NR2C1: variants seen among roughly 807,000 people sequenced by gnomAD.
The protein encoded by NR2C1 is TR2 nuclear hormone receptor.
A neutral mutation model predicts 74.8 loss-of-function variants in NR2C1; 33 were observed. The observed-to-expected ratio is 0.44, with a 90% CI of 0.33 to 0.59. The LOEUF is 0.59. Ranked by LOEUF, NR2C1 falls within the 20% of genes least tolerant of loss-of-function variation. NR2C1 has a pLI of 0.02. For synonymous variants in NR2C1, 225 were observed against 240.6 expected, an observed-to-expected ratio of 0.94 and a Z score of 0.60; for missense variants, 568 against 715.6, an observed-to-expected ratio of 0.79 and a Z score of 2.35.
intron 1 of NR2C1, among the ~76,000 whole-genome samples, chr12:95,072,467 A>AAG (rs1876829965): frequency 6.6e-6 from 1 of 150,590 alleles, no homozygotes; most frequent in African/African-American, 2.5e-5. Context: ...AAAAAAAAAA[A>AAG]AAAAAAAGAA....
chr12:95,040,344 A>G (rs1871368510), intron 10 of NR2C1, 132 bp downstream of exon 10: 1 of 768,516 alleles, frequency 1.3e-6, no homozygotes, highest in Non-Finnish European at 2.0e-6. Flanking sequence ...TGTCATTTGA[A>G]TGACACAACT....
chr12:95,064,649 G>A (rs775943263), intron 2 of NR2C1, among the ~76,000 whole-genome samples: 6 of 152,252 alleles, frequency 3.9e-5, no homozygotes, highest in African/African-American at 7.2e-5. Context: ...TGCCATCTGG[G>A]GGGGAGGAAC....
rs1173076663 is a variant in NR2C1 at position 95,062,497 on chromosome 12, T to C, written c.285+11A>G. 11 of 1,565,402 alleles carry C rather than the reference T, an allele frequency of 7.0e-6. No individual in the cohort carries two copies. The highest frequency in any genetic ancestry group is 8.7e-6 in the Non-Finnish European group (10 of 1,145,540). ...TATGTAAGAGGAAAAGACACTTCTA[T>C]AGTTATTTACCTGCAGGTGTTGTGC... On this transcript the variant is annotated intron_variant, in intron 3 of 13. Coordinates refer to ENST00000333003, the MANE Select transcript of NR2C1 (RefSeq NM_003297.4).
At chr12:95,061,472 A>C (rs1874772379) in intron 3 of NR2C1, among the ~76,000 whole-genome samples, 1 of 152,256 alleles carries the variant, frequency 6.6e-6, no homozygotes, top group African/African-American at 2.4e-5. Flanking sequence ...CTACTTAAAG[A>C]AAAATTAAGG....
chr12:95,055,047 T>A (rs996896073), intron 7 of NR2C1, among the ~76,000 whole-genome samples: 3 of 152,206 alleles, frequency 2.0e-5, no homozygotes, highest in South Asian at 4.1e-4. Context: ...ACACAGCACA[T>A]GTTTCAGAGA....
chr12:95,022,337 C>T lies in NR2C1; in HGVS notation c.1704G>A (p.Leu568=), dbSNP rs1868853985. ...TATTGCCAATGAGACCTTTGAAAAA[C>T]AATTCTTCAGTGATGGTAGCATTCA... The part of the protein sequence containing the change: ...RLMNATITEE[L]FFKGLIGNIR... The change falls in exon 14 of 14, where the codon TTG becomes TTA. Residue 568 remains leucine (L), a synonymous_variant. Coordinates refer to ENST00000333003, the MANE Select transcript of NR2C1 (RefSeq NM_003297.4). 2 of 1,613,494 alleles carry T rather than the reference C, an allele frequency of 1.2e-6. No individual in the cohort carries two copies. Among genetic ancestry groups the T allele is most frequent in the African/African-American group, 1.3e-5 (1 of 74,976 alleles).
chr12:95,052,376 G>C (rs1046285793), intron 7 of NR2C1, among the ~76,000 whole-genome samples: 1 of 152,146 alleles, frequency 6.6e-6, no homozygotes, highest in Non-Finnish European at 1.5e-5. Flanking sequence ...AGATGGTCTT[G>C]ATCTCCTGAC....
At chr12:95,052,964 T>C (rs1873243788) in intron 7 of NR2C1, among the ~76,000 whole-genome samples, 1 of 152,054 alleles carries the variant, frequency 6.6e-6, no homozygotes, top group Admixed American at 6.6e-5. Context: ...ACTCTCTTTA[T>C]ATAGGTAAGA....
chr12:95,050,605 G>A (rs905521543), intron 8 of NR2C1, among the ~76,000 whole-genome samples: 9 of 151,816 alleles, frequency 5.9e-5, no homozygotes, highest in African/African-American at 1.5e-4. Context: ...CACCGTGCCC[G>A]GCCAATTCAG....
chr12:95,023,205 T>C (rs1255381320), intron 13 of NR2C1, among the ~76,000 whole-genome samples: 2 of 152,102 alleles, frequency 1.3e-5, no homozygotes, highest in Non-Finnish European at 2.9e-5. Flanking sequence ...ACCTTGTCTC[T>C]ACTAAAAATA....
intron 4 of NR2C1, among the ~76,000 whole-genome samples, chr12:95,058,923 T>C (rs1213224356): frequency 2.0e-5 from 3 of 152,072 alleles, no homozygotes; most frequent in Admixed American, 6.6e-5. Flanking sequence ...CCATCTCACC[T>C]GGCCTAATGT....
intron 7 of NR2C1, among the ~76,000 whole-genome samples, chr12:95,053,132 T>C (rs77972439): frequency 0.021 from 3,148 of 151,932 alleles, 100 homozygotes; most frequent in African/African-American, 0.072. Context: ...TACCACCATG[T>C]CCAGCTAATT....
chr12:95,049,441 G>A (rs1265045787), intron 8 of NR2C1: 1 of 411,942 alleles, frequency 2.4e-6, no homozygotes, highest in Admixed American at 4.0e-5. Context: ...TTAAAATCTT[G>A]CATAATTAAG....
In NR2C1 at chr12:95,042,732, G is replaced by A. The variant is rs563584446; in HGVS notation, c.1132-2135C>T. 8.5e-5 allele frequency among the ~76,000 whole-genome samples: 13 copies of A among 152,230 alleles called. No homozygotes were observed. In the South Asian group the frequency reaches 1.2e-3, roughly 15 times the overall value. Reference sequence around the variant, plus strand: ...ATAGTTGAAATTCTGTAAGTGAGAAGAAAATTTTTTACATATTTAAGAATG... The same window carrying A: ...ATAGTTGAAATTCTGTAAGTGAGAAAAAAATTTTTTACATATTTAAGAATG... On this transcript the variant is annotated intron_variant, in intron 9 of 13. Transcript: ENST00000333003.
At position 95,057,658 on chromosome 12, in the gene NR2C1, C is replaced by T. The variant is rs757509565; in HGVS notation, c.693-15G>A. On this transcript the variant is annotated splice_polypyrimidine_tract_variant and intron_variant, in intron 6 of 13. Transcript: ENST00000333003. ...GTCCTGTTGACCTGTAACAAATCAG[C>T]ACAAATTTTGGCCTGAGTTTCATTG... 13 of 1,612,768 alleles carry T rather than the reference C, an allele frequency of 8.1e-6. No individual in the cohort carries two copies. The highest frequency in any genetic ancestry group is 3.3e-5 in the South Asian group (3 of 90,752).
At chr12:95,027,441 A>G (rs1227950731) in intron 12 of NR2C1, among the ~76,000 whole-genome samples, 1 of 152,334 alleles carries the variant, frequency 6.6e-6, no homozygotes, top group East Asian at 1.9e-4. Context: ...TCACCAATTT[A>G]AAGTATACAA....
chr12:95,033,331 G>A (rs944662065), intron 10 of NR2C1, among the ~76,000 whole-genome samples: 6 of 152,046 alleles, frequency 3.9e-5, no homozygotes, highest in Non-Finnish European at 8.8e-5. Context: ...TTAGTATAAA[G>A]GATGTATATT....
intron 13 of NR2C1, among the ~76,000 whole-genome samples, chr12:95,024,639 C>T (rs1869139658): frequency 6.6e-6 from 1 of 151,814 alleles, no homozygotes; most frequent in Non-Finnish European, 1.5e-5. Context: ...ACTCTGTCAC[C>T]CAGATTGGAG....
intron 2 of NR2C1, among the ~76,000 whole-genome samples, chr12:95,064,878 ATGCAAAAT>A (rs1315548778): frequency 6.6e-6 from 1 of 152,140 alleles, no homozygotes; most frequent in East Asian, 1.9e-4. Flanking sequence ...ATTCTTTTCT[ATGCAAAAT>A]TTAAAACAAA....
Sources: gnomAD v4.1 joint callset for allele counts (sites outside exome capture counted in the v4.1 genomes callset) on GRCh38, gnomAD v4.1.1 for gene constraint, MANE v1.5 for transcripts, NCBI Gene and HGNC (gene_info 2026-07-23, HGNC 2026-07-21) for gene names.